The following PDE5A variants were observed in gnomAD, a reference collection of about 807,000 sequenced individuals.
The protein encoded by PDE5A is phosphodiesterase 5A.
PDE5A carries 67 observed loss-of-function variants against 110.2 expected under a neutral mutation model. The ratio of observed to expected loss-of-function variants is 0.61; its 90% CI spans 0.50 to 0.75. The LOEUF (loss-of-function observed/expected upper bound fraction) is 0.75, where lower values mean the gene tolerates loss of function less well. Ranked by LOEUF, PDE5A falls within the 30% of genes least tolerant of loss-of-function variation. The pLI is 0.00. For missense variants in PDE5A, 862 were observed against 1,045.1 expected, an observed-to-expected ratio of 0.82 and a Z score of 2.42; for synonymous variants, 328 against 351.2, an observed-to-expected ratio of 0.93 and a Z score of 0.74.
chr4:119,603,380 AT>A (rs1729412377), intron 2 of PDE5A, among the ~76,000 whole-genome samples: 65 of 2,930 alleles, frequency 0.022, no homozygotes, highest in African/African-American at 0.025. Flanking sequence ...AAATAAATAC[AT>A]ACATACATAC....
chr4:119,617,392 G>A lies in PDE5A; in HGVS notation c.153-10095C>T, dbSNP rs186159614. ...GACACACACACACACACGCACACAC[G>A]TGTCTGTGTCCGAAGGGTCTCCCTG... On this transcript the variant is annotated intron_variant, in intron 1 of 20. Coordinates refer to ENST00000354960, the MANE Select transcript of PDE5A (RefSeq NM_001083.4). 5.0e-3 allele frequency among the ~76,000 whole-genome samples: 763 copies of A among 151,190 alleles called. 5 individuals are homozygous for A. Among genetic ancestry groups the A allele is most frequent in the African/African-American group, 0.018 (736 of 40,636 alleles).
chr4:119,594,826 T>A lies in PDE5A; in HGVS notation c.831+1697A>T, dbSNP rs555873664. On this transcript the variant is annotated intron_variant, in intron 3 of 20. Coordinates refer to ENST00000354960, the MANE Select transcript of PDE5A (RefSeq NM_001083.4). Reference sequence around the variant, plus strand: ...TAGGGCCTTGTTAATCAAATTGTGATCAGCAGACCCAGGTAATCATCAACT... The same window carrying A: ...TAGGGCCTTGTTAATCAAATTGTGAACAGCAGACCCAGGTAATCATCAACT... 8.5e-5 allele frequency among the ~76,000 whole-genome samples: 13 copies of A among 152,318 alleles called. 1 individual carries two copies. Among genetic ancestry groups the A allele is most frequent in the Middle Eastern group, 3.4e-3 (1 of 294 alleles).
chr4:119,607,406 A>G lies in PDE5A; in HGVS notation c.153-109T>C, dbSNP rs900511733. On this transcript the variant is annotated intron_variant, in intron 1 of 20. Transcript: ENST00000354960. ...TAAACTGATGAGATAATAATTTGAT[A>G]TGTTATAGAAAATAAAAACAAGATG... 4 of 691,804 alleles carry G rather than the reference A, an allele frequency of 5.8e-6. No individual in the cohort carries two copies. In the African/African-American group the frequency reaches 7.2e-5, roughly 12 times the overall value. The allele number at this position is 691,804 out of a possible 1,614,324, so 42.9% of individuals were successfully genotyped here.
chr4:119,532,850 T>C (rs879555516), intron 11 of PDE5A, among the ~76,000 whole-genome samples: 6 of 152,032 alleles, frequency 3.9e-5, no homozygotes, highest in African/African-American at 7.2e-5. Flanking sequence ...GTAATCTTTG[T>C]ACAAAAAAAA....
Position 119,511,160 on chromosome 4 carries a change from A to G in PDE5A, c.2001-26T>C, listed in dbSNP as rs1443609740. 2.1e-6 allele frequency: 3 copies of G among 1,456,566 alleles called. No homozygotes were observed. In the South Asian group the frequency reaches 3.5e-5, roughly 17 times the overall value. 90.2% of individuals were successfully genotyped at this position (1,456,566 alleles called of 1,614,324 possible). On this transcript the variant is annotated intron_variant, in intron 14 of 20. Transcript: ENST00000354960. ...CTGAAAGTATTTTGTTGAAGAAAGG[A>G]AAAAAGATCAGTTTCCTTAATATGC...
chr4:119,518,956 C>T (rs1560599235), intron 14 of PDE5A, 89 bp downstream of exon 14: 6 of 806,208 alleles, frequency 7.4e-6, no homozygotes, highest in Admixed American at 2.0e-5. Context: ...GGGACCTTGA[C>T]CATCAAATTT....
At chr4:119,519,246 T>A in intron 13 of PDE5A, 107 bp from the exon 14 acceptor site, 1 of 758,528 alleles carries the variant, frequency 1.3e-6, no homozygotes, top group South Asian at 1.6e-5. Flanking sequence ...GTGCTTTACA[T>A]ACATACTTCT....
intron 2 of PDE5A, among the ~76,000 whole-genome samples, chr4:119,601,398 G>A (rs930498544): frequency 4.6e-5 from 7 of 152,106 alleles, no homozygotes; most frequent in Non-Finnish European, 7.4e-5. Context: ...TTGATGTGCT[G>A]GGATGCTGGC....
intron 9 of PDE5A, 126 bp from the exon 10 acceptor site, chr4:119,542,760 G>T: frequency 1.3e-6 from 1 of 768,202 alleles, no homozygotes; most frequent in Non-Finnish European, 2.1e-6. Flanking sequence ...GTCGAAATAA[G>T]CAAATTAACC....
intron 3 of PDE5A, among the ~76,000 whole-genome samples, chr4:119,584,597 G>T (rs993293570): frequency 2.0e-5 from 3 of 152,134 alleles, no homozygotes; most frequent in Non-Finnish European, 4.4e-5. Flanking sequence ...ATGTGGCTCT[G>T]GGTTAGAAGT....
intron 3 of PDE5A, among the ~76,000 whole-genome samples, chr4:119,568,892 GA>G (rs527846840): frequency 6.6e-6 from 1 of 152,088 alleles, no homozygotes; most frequent in African/African-American, 2.4e-5. Flanking sequence ...AAAATAAAGA[GA>G]AAGCTCCTGC....
chr4:119,504,798 C>G (rs571386414), intron 17 of PDE5A, among the ~76,000 whole-genome samples, 199 bp from the exon 18 acceptor site: 3 of 151,978 alleles, frequency 2.0e-5, no homozygotes, highest in Non-Finnish European at 4.4e-5. Context: ...TTTCAGTTTC[C>G]CTTTGAACTT....
At chr4:119,521,385 T>A (rs975527516) in intron 12 of PDE5A, among the ~76,000 whole-genome samples, 5 of 151,394 alleles carry the variant, frequency 3.3e-5, no homozygotes, top group African/African-American at 7.3e-5. Context: ...TTTTTTTTTT[T>A]AATAAAAGGT....
At chr4:119,581,846 C>T in intron 3 of PDE5A, among the ~76,000 whole-genome samples, 1 of 152,202 alleles carries the variant, frequency 6.6e-6, no homozygotes, top group East Asian at 1.9e-4. Flanking sequence ...TGCAATAGCA[C>T]TATGTCTAAA....
At chr4:119,504,426 T>C in intron 18 of PDE5A, 110 bp downstream of exon 18, 1 of 786,844 alleles carries the variant, frequency 1.3e-6, no homozygotes, top group Non-Finnish European at 2.0e-6. Flanking sequence ...TATAAGTGTC[T>C]TTTTTATATA....
chr4:119,533,741 T>A (rs1405740823), intron 11 of PDE5A, among the ~76,000 whole-genome samples: 2 of 152,164 alleles, frequency 1.3e-5, no homozygotes, highest in Non-Finnish European at 2.9e-5. Context: ...GTGCTTATAG[T>A]TTTTCAAAAT....
Position 119,579,843 on chromosome 4 carries a change from A to T in PDE5A, c.832-12699T>A, listed in dbSNP as rs530550951. On this transcript the variant is annotated intron_variant, in intron 3 of 20. Transcript: ENST00000354960. ...TACCCTAAAACTTAAAGTATAATAA[A>T]AAAAAAAAAGATCTGTGAGTTTCAC... Among the ~76,000 whole-genome samples, 922 of 151,648 alleles carry T rather than the reference A, an allele frequency of 6.1e-3. 13 individuals are homozygous for T. The highest frequency in any genetic ancestry group is 0.02 in the African/African-American group (824 of 41,406).
At chr4:119,538,454 C>T (rs1224768506) in intron 11 of PDE5A, among the ~76,000 whole-genome samples, 2 of 152,142 alleles carry the variant, frequency 1.3e-5, no homozygotes, top group East Asian at 1.9e-4. Context: ...CTACAACATA[C>T]ATCTACTTAC....
At position 119,517,692 on chromosome 4, in the gene PDE5A, GT is replaced by G. The variant is rs377742398; in HGVS notation, c.2000+1352del. ...TAAACAAAGGAAAAAATAGTTGAGT[GT>G]TTTTTTTTTCACTCTAAAGCAGGGC... On this transcript the variant is annotated intron_variant, in intron 14 of 20. Transcript: ENST00000354960. Among the ~76,000 whole-genome samples, 854 of 141,890 alleles carry G rather than the reference GT, an allele frequency of 6.0e-3. 9 individuals are homozygous for G. The highest frequency in any genetic ancestry group is 0.021 in the African/African-American group (821 of 38,672). The allele number at this position is 141,890 out of a possible 152,430, so 93.1% of individuals were successfully genotyped here.
Sources: gnomAD v4.1 joint callset for allele counts (sites outside exome capture counted in the v4.1 genomes callset) on GRCh38, gnomAD v4.1.1 for gene constraint, MANE v1.5 for transcripts, NCBI Gene and HGNC (gene_info 2026-07-23, HGNC 2026-07-21) for gene names.